Variants in ASH1L observed in about 807,000 individuals in gnomAD.
ASH1L encodes the protein histone-lysine N-methyltransferase ASH1L.
ASH1L carries 23 observed loss-of-function variants against 269.0 expected under a neutral mutation model. The ratio of observed to expected loss-of-function variants is 0.09; its 90% confidence interval spans 0.06 to 0.12. The LOEUF is 0.12. Ranked by LOEUF, ASH1L falls within the 10% of genes least tolerant of loss-of-function variation. The pLI, the probability that ASH1L is intolerant of heterozygous loss-of-function variation, is 1.00. For synonymous variants in ASH1L, 1,187 were observed against 1,253.5 expected, an observed-to-expected ratio of 0.95 and a Z score of 1.12; for missense variants, 2,912 against 3,567.8, an observed-to-expected ratio of 0.82 and a Z score of 4.68.
intron 10 of ASH1L, among the ~76,000 whole-genome samples, chr1:155,373,944 A>G (rs1656201130): frequency 6.6e-6 from 1 of 152,228 alleles, no homozygotes; most frequent in Admixed American, 6.5e-5. Context: ...GCTGGATTAC[A>G]GGCGTAAGCC....
At chr1:155,368,780 A>AT (rs1317150480) in intron 12 of ASH1L, among the ~76,000 whole-genome samples, 1 of 152,200 alleles carries the variant, frequency 6.6e-6, no homozygotes, top group South Asian at 2.1e-4. Flanking sequence ...GGATTTGTTC[A>AT]TTTCATCTAA....
intron 1 of ASH1L, among the ~76,000 whole-genome samples, chr1:155,556,074 G>A (rs1671566171): frequency 6.6e-6 from 1 of 152,102 alleles, no homozygotes; most frequent in Non-Finnish European, 1.5e-5. Context: ...ATATATGTTT[G>A]CAATTTGCCA....
chr1:155,467,302 A>AACAT (rs1558135986), intron 3 of ASH1L, among the ~76,000 whole-genome samples: 2 of 152,178 alleles, frequency 1.3e-5, no homozygotes. Flanking sequence ...ATGTCTACCT[A>AACAT]ACATACATAC....
At chr1:155,344,540 G>A (rs1653070476) in intron 21 of ASH1L, 2 of 312,508 alleles carry the variant, frequency 6.4e-6, no homozygotes, top group Non-Finnish European at 1.2e-5. Flanking sequence ...ATATGAAAAT[G>A]TGTGAAGGGA....
chr1:155,434,702 A>T (rs1427170117), intron 5 of ASH1L, among the ~76,000 whole-genome samples: 2 of 151,766 alleles, frequency 1.3e-5, no homozygotes, highest in East Asian at 3.9e-4. Context: ...AATACAAAAA[A>T]ATTAGCCAGG....
chr1:155,515,084 T>C (rs1410633677), intron 2 of ASH1L, among the ~76,000 whole-genome samples: 3 of 152,044 alleles, frequency 2.0e-5, no homozygotes, highest in African/African-American at 4.8e-5. Context: ...ACTATACCTT[T>C]CCAAATGCCA....
In ASH1L at chr1:155,338,077, G is replaced by C; in HGVS notation, c.8803+12C>G. On this transcript the variant is annotated intron_variant, in intron 27 of 27. Transcript: ENST00000392403. ...TATCTTAAACCCTAGATATGAACCTGATTCTTCTTACCATTTTTTCCAGGG... is the reference window on the plus strand; with the variant it reads ...TATCTTAAACCCTAGATATGAACCTCATTCTTCTTACCATTTTTTCCAGGG... 3 of 1,610,786 alleles carry C rather than the reference G, an allele frequency of 1.9e-6. No individual in the cohort carries two copies. Among genetic ancestry groups the C allele is most frequent in the Non-Finnish European group, 2.5e-6 (3 of 1,177,768 alleles).
intron 19 of ASH1L, among the ~76,000 whole-genome samples, chr1:155,348,121 A>G (rs1007531299): frequency 2.0e-5 from 3 of 152,194 alleles, no homozygotes; most frequent in Non-Finnish European, 4.4e-5. Context: ...CCATTTGCTC[A>G]ACTGATCTGT....
At chr1:155,476,389 A>G (rs1665551447) in intron 3 of ASH1L, among the ~76,000 whole-genome samples, 1 of 152,054 alleles carries the variant, frequency 6.6e-6, no homozygotes. Flanking sequence ...CCGTCTCAAA[A>G]TAAAAAAATG....
chr1:155,357,237 T>G (rs1237439792), intron 15 of ASH1L, 79 bp downstream of exon 15: 7 of 1,161,870 alleles, frequency 6.0e-6, no homozygotes, highest in Non-Finnish European at 8.8e-6. Flanking sequence ...ATCAACAATA[T>G]AGAAGTTTCA....
chr1:155,437,918 A>G (rs1419905862), intron 5 of ASH1L, among the ~76,000 whole-genome samples: 1 of 152,114 alleles, frequency 6.6e-6, no homozygotes, highest in Non-Finnish European at 1.5e-5. Context: ...GCAGCGGTGC[A>G]ATCTTGGCTC....
chr1:155,412,159 T>A (rs1178822771), intron 6 of ASH1L, among the ~76,000 whole-genome samples: 2 of 151,836 alleles, frequency 1.3e-5, no homozygotes, highest in Non-Finnish European at 2.9e-5. Context: ...GGAGAACTGC[T>A]TGAACCCAGG....
intron 6 of ASH1L, among the ~76,000 whole-genome samples, chr1:155,409,940 C>CA (rs1659629937): frequency 6.6e-6 from 1 of 151,480 alleles, no homozygotes; most frequent in Non-Finnish European, 1.5e-5. Context: ...CTGGGGCGGG[C>CA]AGATCACTTG....
rs60270333 is a variant in ASH1L, at chr1:155,436,491, C to CTTTTTT, written c.5828+1830_5828+1835dup. ...ACAGGCGTGAGCCACCATGCGTGGACTTTTTTTTTTTTTTTTTTTTTTTGA... is the reference window on the plus strand; with the variant it reads ...ACAGGCGTGAGCCACCATGCGTGGACTTTTTTTTTTTTTTTTTTTTTTTTTTTTTGA... On this transcript the variant is annotated intron_variant, in intron 5 of 27. Coordinates refer to ENST00000392403, the MANE Select transcript of ASH1L (RefSeq NM_018489.3). Among the ~76,000 whole-genome samples, 8 of 80,562 alleles carry CTTTTTT rather than the reference C, an allele frequency of 9.9e-5. No individual in the cohort carries two copies. In the East Asian group the frequency reaches 1.5e-3, roughly 15 times the overall value. 52.9% of individuals were successfully genotyped at this position (80,562 alleles called of 152,430 possible).
chr1:155,434,984 C>T lies in ASH1L; in HGVS notation c.5828+3343G>A, dbSNP rs575160012. Among the ~76,000 whole-genome samples, 9 of 152,244 alleles carry T rather than the reference C, an allele frequency of 5.9e-5. No individual in the cohort carries two copies. In the South Asian group the frequency reaches 1.9e-3, roughly 32 times the overall value. ...ACCAGCCTGGCCAACATGGGGAAACCCCGTCTCTACTAAAAATACAAAAAT... is the reference window on the plus strand; with the variant it reads ...ACCAGCCTGGCCAACATGGGGAAACTCCGTCTCTACTAAAAATACAAAAAT... On this transcript the variant is annotated intron_variant, in intron 5 of 27. Coordinates refer to ENST00000392403, the MANE Select transcript of ASH1L (RefSeq NM_018489.3).
intron 27 of ASH1L, 108 bp from the exon 28 acceptor site, chr1:155,337,859 A>T: frequency 8.3e-7 from 1 of 1,201,034 alleles, no homozygotes; most frequent in South Asian, 1.3e-5. Context: ...TTTCTGACCT[A>T]TAAGCAATTT....
chr1:155,372,536 T>C (rs954398975), intron 10 of ASH1L, among the ~76,000 whole-genome samples: 1 of 152,042 alleles, frequency 6.6e-6, no homozygotes. Context: ...CTCGAACTCC[T>C]GGCCTCAAGT....
At chr1:155,417,362 A>G (rs1371692345) in intron 5 of ASH1L, among the ~76,000 whole-genome samples, 1 of 152,166 alleles carries the variant, frequency 6.6e-6, no homozygotes, top group East Asian at 1.9e-4. Flanking sequence ...ATTTGTGGAA[A>G]TGAGTATCAG....
At chr1:155,459,741 C>A in intron 4 of ASH1L, 56 bp downstream of exon 4, 1 of 1,390,130 alleles carries the variant, frequency 7.2e-7, no homozygotes, top group South Asian at 1.2e-5. Flanking sequence ...ACTCCTTATT[C>A]ACAAATAACA....
Sources: allele counts gnomAD v4.1 joint callset (sites outside exome capture counted in the v4.1 genomes callset), GRCh38; gene constraint gnomAD v4.1.1; transcripts MANE v1.5; gene names NCBI Gene and HGNC (gene_info 2026-07-23, HGNC 2026-07-21).